ZNF609: variants seen among roughly 807,000 people sequenced by gnomAD.
ZNF609 encodes zinc finger protein 609.
In ZNF609, 11 loss-of-function variants were observed where a neutral mutation model predicts 109.5. The ratio of observed to expected loss-of-function variants is 0.10; its 90% CI spans 0.06 to 0.17. The LOEUF is 0.17. Ranked by LOEUF, ZNF609 falls within the 10% of genes least tolerant of loss-of-function variation. The probability of loss-of-function intolerance (pLI) is 1.00; values close to 1 mark genes in which losing one functional copy is unlikely to be tolerated. For missense variants in ZNF609, 1,559 were observed against 1,772.4 expected (o/e 0.88, Z 2.16); for synonymous variants, 646 against 662.0 (o/e 0.98, Z 0.37).
At chr15:64,665,253 T>G (rs1896629609) in intron 3 of ZNF609, among the ~76,000 whole-genome samples, 1 of 152,170 alleles carries the variant, frequency 6.6e-6, no homozygotes, top group African/African-American at 2.4e-5. Context: ...AACAGGATAT[T>G]CTAAGAAAAT....
intron 3 of ZNF609, among the ~76,000 whole-genome samples, chr15:64,659,790 AT>A (rs1896546977): frequency 6.7e-6 from 1 of 150,074 alleles, no homozygotes; most frequent in South Asian, 2.1e-4. Context: ...TCCAAAGTTA[AT>A]TTTCAAAACA....
intron 5 of ZNF609, among the ~76,000 whole-genome samples, chr15:64,676,553 C>T (rs1197956154): frequency 1.3e-5 from 2 of 151,894 alleles, no homozygotes; most frequent in African/African-American, 4.8e-5. Flanking sequence ...GCCTCAGCCT[C>T]CCGAGTAGCT....
In ZNF609 at chr15:64,675,834, C is replaced by T. The variant is rs1255719676; in HGVS notation, c.2980C>T (p.Leu994Phe). 6.2e-7 allele frequency: 1 copy of T among 1,614,102 alleles called. No homozygotes were observed. The highest frequency in any genetic ancestry group is 8.5e-7 in the Non-Finnish European group (1 of 1,180,054). ...GYSDQSYHTH[L>F]LSTNTAYRQQ... The stretch of plus-strand genomic sequence containing the variant: ...CAGCGACCAGAGTTACCACACCCAC[C>T]TTCTGAGCACTAACACGGCTTACCG... Residue 994 changes from leucine (L) to phenylalanine (F), a missense_variant, in exon 5 of 10, where the codon CTT (leucine) becomes TTT (phenylalanine). Coordinates refer to ENST00000326648, the MANE Select transcript of ZNF609 (RefSeq NM_015042.2).
At position 64,468,808 on chromosome 15, in the gene ZNF609, G is replaced by A. The variant is rs577024882; in HGVS notation, c.-128+7970G>A. 9.9e-5 allele frequency among the ~76,000 whole-genome samples: 15 copies of A among 152,272 alleles called. No individual in the cohort carries two copies. In the South Asian group the frequency reaches 1.0e-3, roughly 11 times the overall value. ...ATCATTACTGTGCCTCTAATTAGCT[G>A]TTTGTCCTTGTGCAAGTCATGCCCC... On this transcript the variant is annotated intron_variant, in intron 1 of 9. Coordinates refer to ENST00000326648, the MANE Select transcript of ZNF609 (RefSeq NM_015042.2).
chr15:64,588,430 A>AG, intron 2 of ZNF609, among the ~76,000 whole-genome samples: 1 of 133,520 alleles, frequency 7.5e-6, no homozygotes, highest in Non-Finnish European at 1.6e-5. Context: ...TCTGTCTAAA[A>AG]AAAAAAAAAA....
Position 64,682,061 on chromosome 15 carries a change from C to G in ZNF609, c.*375C>G, listed in dbSNP as rs559948317. On this transcript the variant is annotated 3_prime_UTR_variant, in exon 10 of 10. Coordinates refer to ENST00000326648, the MANE Select transcript of ZNF609 (RefSeq NM_015042.2). ...GGTCTGCTGCTGGAGCAGTACCAGC[C>G]CCCCCGCCCACCAGGGAGGGACCCC... is the stretch of plus-strand genomic sequence containing the variant. 3 of 152,582 alleles carry G rather than the reference C, an allele frequency of 2.0e-5. No homozygotes were observed. The highest frequency in any genetic ancestry group is 2.9e-5 in the Non-Finnish European group (2 of 68,228). The allele number at this position is 152,582 out of a possible 1,614,324, so 9.5% of individuals were successfully genotyped here. A position where few individuals can be genotyped will look rare whatever the true frequency, so the allele number is the denominator to read the frequency against.
chr15:64,563,255 G>C (rs1218626931), intron 2 of ZNF609, among the ~76,000 whole-genome samples: 1 of 151,940 alleles, frequency 6.6e-6, no homozygotes, highest in African/African-American at 2.4e-5. Context: ...TTCAAGACAA[G>C]CCTGGGGAAC....
At position 64,554,841 on chromosome 15, in the gene ZNF609, A is replaced by C. The variant is rs569277968; in HGVS notation, c.747+54675A>C. On this transcript the variant is annotated intron_variant, in intron 2 of 9. Coordinates refer to ENST00000326648, the MANE Select transcript of ZNF609 (RefSeq NM_015042.2). ...GCCAGGTGTGGTGGCTCACACCTGT[A>C]ATCCCAGCACTTTGGGAGGCCGAGA... Among the ~76,000 whole-genome samples, 9 of 151,990 alleles carry C rather than the reference A, an allele frequency of 5.9e-5. No homozygotes were observed. In the South Asian group the frequency reaches 1.5e-3, roughly 25 times the overall value.
intron 2 of ZNF609, among the ~76,000 whole-genome samples, chr15:64,614,084 A>AT (rs1210113521): frequency 2.0e-5 from 3 of 147,240 alleles, no homozygotes; most frequent in South Asian, 4.3e-4. Context: ...CGCCTGACTA[A>AT]TTTTTTTTGT....
intron 2 of ZNF609, among the ~76,000 whole-genome samples, chr15:64,552,290 GT>G (rs1894495508): frequency 6.6e-6 from 1 of 152,138 alleles, no homozygotes; most frequent in Non-Finnish European, 1.5e-5. Flanking sequence ...GTAGTTGCAG[GT>G]TATATATTTA....
At chr15:64,461,790 C>T (rs1471263989) in intron 1 of ZNF609, among the ~76,000 whole-genome samples, 1 of 152,118 alleles carries the variant, frequency 6.6e-6, no homozygotes, top group African/African-American at 2.4e-5. Context: ...GCCATGTGTC[C>T]AGAGCCTAAG....
intron 2 of ZNF609, among the ~76,000 whole-genome samples, chr15:64,582,430 G>C (rs556077803): frequency 6.6e-6 from 1 of 152,142 alleles, no homozygotes; most frequent in Non-Finnish European, 1.5e-5. Context: ...TCTCTGCTCC[G>C]TCAATCCTTT....
intron 2 of ZNF609, among the ~76,000 whole-genome samples, chr15:64,531,889 C>T (rs184216227): frequency 6.6e-6 from 1 of 152,340 alleles, no homozygotes; most frequent in Non-Finnish European, 1.5e-5. Context: ...CTTAGCACAG[C>T]AGCCAAAATG....
intron 3 of ZNF609, among the ~76,000 whole-genome samples, chr15:64,645,036 CCTTCCTTTCTTT>C (rs1398476554): frequency 7.1e-6 from 1 of 140,072 alleles, no homozygotes; most frequent in Non-Finnish European, 1.5e-5. Context: ...TTCCTTTCTT[CCTTCCTTTCTTT>C]CTTCCTTTCT....
chr15:64,679,371 T>C (rs1896849334), intron 6 of ZNF609, among the ~76,000 whole-genome samples: 1 of 152,160 alleles, frequency 6.6e-6, no homozygotes, highest in Non-Finnish European at 1.5e-5. Context: ...GCTCCGGCCT[T>C]AAATGTTTTT....
At chr15:64,648,455 G>A (rs537065751) in intron 3 of ZNF609, among the ~76,000 whole-genome samples, 14 of 152,216 alleles carry the variant, frequency 9.2e-5, no homozygotes, top group South Asian at 8.3e-4. Flanking sequence ...TCATGCCACC[G>A]CACTCCAGCC....
intron 2 of ZNF609, among the ~76,000 whole-genome samples, chr15:64,513,879 C>T (rs1893769024): frequency 6.6e-6 from 1 of 151,958 alleles, no homozygotes; most frequent in African/African-American, 2.4e-5. Flanking sequence ...ACTGCTTGAG[C>T]TTAGAAGTTC....
At chr15:64,656,419 C>T (rs1896488407) in intron 3 of ZNF609, among the ~76,000 whole-genome samples, 1 of 152,152 alleles carries the variant, frequency 6.6e-6, no homozygotes, top group Non-Finnish European at 1.5e-5. Flanking sequence ...TAACAATTAA[C>T]AAATATTTAT....
intron 3 of ZNF609, among the ~76,000 whole-genome samples, chr15:64,636,151 C>T (rs1234019028): frequency 6.6e-6 from 1 of 151,932 alleles, no homozygotes; most frequent in East Asian, 1.9e-4. Flanking sequence ...AAACCAAGCC[C>T]ATGTACTTTC....
Sources: gnomAD v4.1 joint callset for allele counts (sites outside exome capture counted in the v4.1 genomes callset) on GRCh38, gnomAD v4.1.1 for gene constraint, MANE v1.5 for transcripts, NCBI Gene and HGNC (gene_info 2026-07-23, HGNC 2026-07-21) for gene names.